The following MRPS6 variants were observed in gnomAD, a reference collection of about 807,000 sequenced individuals.
MRPS6 encodes mitochondrial ribosomal protein S6.
Under a neutral mutation model 13.1 loss-of-function variants are expected in MRPS6, and 6 were observed. That is an observed-to-expected ratio of 0.46 (90% CI 0.25 to 0.91). The LOEUF (loss-of-function observed/expected upper bound fraction) is 0.91, where lower values mean the gene tolerates loss of function less well. Ranked by LOEUF, MRPS6 falls within the 40% of genes least tolerant of loss-of-function variation. The pLI, the probability that MRPS6 is intolerant of heterozygous loss-of-function variation, is 0.18. For synonymous variants in MRPS6, 61 were observed against 56.5 expected, an observed-to-expected ratio of 1.08 and a Z score of -0.36; for missense variants, 164 against 155.6, an observed-to-expected ratio of 1.05 and a Z score of -0.29.
chr21:34,096,398 G>T lies in MRPS6; in HGVS notation c.45+22653G>T. ...TCGATGTGTACAAACTTATCCGCAA[G>T]AGCGCAAGCTCCCGGGAGTTAATGA... On this transcript the variant is annotated intron_variant, in intron 1 of 2. Transcript: ENST00000399312. The surrounding 1 kb of genome is among the most constrained non-coding windows in gnomAD (Gnocchi z 5.9). 1 of 1,614,206 alleles carries T rather than the reference G, an allele frequency of 6.2e-7. No homozygotes were observed. Among genetic ancestry groups the T allele is most frequent in the South Asian group, 1.1e-5 (1 of 91,074 alleles).
At chr21:34,131,533 A>G (rs1348631813) in intron 2 of MRPS6, among the ~76,000 whole-genome samples, 1 of 152,130 alleles carries the variant, frequency 6.6e-6, no homozygotes, top group Admixed American at 6.5e-5. Context: ...CAAGGGAGTT[A>G]GTTCCAAGGC....
intron 1 of MRPS6, 39 bp from the exon 2 acceptor site, chr21:34,125,302 G>A: frequency 6.2e-7 from 1 of 1,603,262 alleles, no homozygotes. Flanking sequence ...TAATTCTGAT[G>A]CTTTTTTTTC....
intron 1 of MRPS6, among the ~76,000 whole-genome samples, chr21:34,108,756 G>A (rs1177153535): frequency 6.6e-6 from 1 of 152,208 alleles, no homozygotes; most frequent in African/African-American, 2.4e-5. Flanking sequence ...GGGTTAGAAA[G>A]CACTTTCCTT....
intron 1 of MRPS6, among the ~76,000 whole-genome samples, chr21:34,113,568 C>T (rs942222581): frequency 9.9e-5 from 15 of 152,174 alleles, no homozygotes; most frequent in African/African-American, 3.6e-4. Context: ...TGTCCTTTCT[C>T]TTCCCTGCTC....
At chr21:34,099,693 G>A (rs1569418036) in intron 1 of MRPS6, 2 of 997,862 alleles carry the variant, frequency 2.0e-6, no homozygotes, top group African/African-American at 3.5e-5. Flanking sequence ...GTCTTAGTAA[G>A]ATACATAAGG....
intron 1 of MRPS6, chr21:34,106,022 G>C: frequency 2.0e-6 from 2 of 994,962 alleles, no homozygotes; most frequent in Non-Finnish European, 2.4e-6. Flanking sequence ...AAGCATATCT[G>C]CTAAAGAGCT....
At chr21:34,108,361 T>G (rs1979566347) in intron 1 of MRPS6, among the ~76,000 whole-genome samples, 1 of 152,226 alleles carries the variant, frequency 6.6e-6, no homozygotes. Context: ...CAGTATTCCC[T>G]GCAGTAACTG....
intron 1 of MRPS6, among the ~76,000 whole-genome samples, chr21:34,118,080 G>GT (rs1979990759): frequency 6.6e-6 from 1 of 151,870 alleles, no homozygotes; most frequent in Non-Finnish European, 1.5e-5. Context: ...GGGTATTTTT[G>GT]TTTTTGCAGA....
intron 1 of MRPS6, chr21:34,097,265 A>G (rs551314834): frequency 6.2e-7 from 1 of 1,614,012 alleles, no homozygotes; most frequent in African/African-American, 1.3e-5. Flanking sequence ...AGATGCTAGA[A>G]GAGACTCGGC....
intron 1 of MRPS6, chr21:34,098,445 T>A: frequency 1.0e-6 from 1 of 1,000,044 alleles, no homozygotes; most frequent in Non-Finnish European, 1.2e-6. Flanking sequence ...TATTGCATCC[T>A]TGATAAGTTT....
At chr21:34,125,289 TATTA>T (rs1424496546) in intron 1 of MRPS6, 48 bp from the exon 2 acceptor site, 18 of 1,598,594 alleles carry the variant, frequency 1.1e-5, no homozygotes, top group Non-Finnish European at 1.5e-5. Flanking sequence ...CTAGCTCTTA[TATTA>T]ATTCTGATGC....
At position 34,142,691 on chromosome 21, in the gene MRPS6, AT is replaced by A; in HGVS notation, c.*92del. 8 of 1,396,754 alleles carry A rather than the reference AT, an allele frequency of 5.7e-6. No individual in the cohort carries two copies. Among genetic ancestry groups the A allele is most frequent in the Non-Finnish European group, 7.5e-6 (8 of 1,067,300 alleles). 86.5% of individuals were successfully genotyped at this position (1,396,754 alleles called of 1,614,324 possible). On this transcript the variant is annotated 3_prime_UTR_variant, in exon 3 of 3. Coordinates refer to ENST00000399312, the MANE Select transcript of MRPS6 (RefSeq NM_032476.4). The stretch of plus-strand genomic sequence containing the variant: ...AAGAATTTGCAAGTTTGGCCTTTAT[AT>A]AAGCATGTGTTGCAGGTGCTGTTTG...
intron 1 of MRPS6, chr21:34,104,085 T>C: frequency 2.0e-6 from 2 of 1,000,114 alleles, no homozygotes; most frequent in Non-Finnish European, 2.4e-6. Context: ...TCTTTGATTT[T>C]TTTTGTGTAC....
intron 1 of MRPS6, among the ~76,000 whole-genome samples, chr21:34,108,223 A>G (rs1288174028): frequency 6.6e-6 from 1 of 152,206 alleles, no homozygotes; most frequent in Non-Finnish European, 1.5e-5. Flanking sequence ...AAGCAACTTC[A>G]GTCTTGCCAG....
At chr21:34,128,197 T>G (rs760467737) in intron 2 of MRPS6, among the ~76,000 whole-genome samples, 1 of 152,088 alleles carries the variant, frequency 6.6e-6, no homozygotes, top group Non-Finnish European at 1.5e-5. Flanking sequence ...AATCAGAGAG[T>G]TGGCTGCATA....
At chr21:34,088,593 G>A (rs904537087) in intron 1 of MRPS6, among the ~76,000 whole-genome samples, 5 of 152,142 alleles carry the variant, frequency 3.3e-5, no homozygotes, top group African/African-American at 1.2e-4. Context: ...TATCGTTAAT[G>A]TTTCTTCCTG....
At chr21:34,076,557 C>T (rs1005634640) in intron 1 of MRPS6, among the ~76,000 whole-genome samples, 4 of 152,122 alleles carry the variant, frequency 2.6e-5, no homozygotes, top group Admixed American at 6.5e-5. Context: ...CAAGTTTGGG[C>T]ATTTAGGAAT....
At chr21:34,100,101 T>A (rs1602935141) in intron 1 of MRPS6, 1 of 999,226 alleles carries the variant, frequency 1.0e-6, no homozygotes, top group Non-Finnish European at 1.2e-6. Context: ...TAGCTCAAGC[T>A]AAGGTTCAGA....
intron 1 of MRPS6, among the ~76,000 whole-genome samples, chr21:34,082,892 G>GT (rs1989491385): frequency 6.6e-6 from 1 of 152,112 alleles, no homozygotes; most frequent in Non-Finnish European, 1.5e-5. Flanking sequence ...ACAGTCCCAG[G>GT]TAAGGTAATT....
Sources: allele counts gnomAD v4.1 joint callset (sites outside exome capture counted in the v4.1 genomes callset), GRCh38; gene constraint gnomAD v4.1.1; non-coding constraint Gnocchi (gnomAD v3.1); transcripts MANE v1.5; gene names NCBI Gene and HGNC (gene_info 2026-07-23, HGNC 2026-07-21).